The following BCL11A variants were observed in gnomAD, a reference collection of about 807,000 sequenced individuals.
BCL11A encodes B cell CLL/lymphoma 11A.
Under a neutral mutation model 55.9 loss-of-function variants are expected in BCL11A, and 2 were observed. That is an observed-to-expected ratio of 0.04 (90% CI 0.01 to 0.11). The LOEUF (loss-of-function observed/expected upper bound fraction) is 0.11. Ranked by LOEUF, BCL11A falls within the 10% of genes least tolerant of loss-of-function variation. The pLI, the probability that BCL11A is intolerant of heterozygous loss-of-function variation, is 1.00. For missense variants in BCL11A, 817 were observed against 1,137.1 expected, an observed-to-expected ratio of 0.72 and a Z score of 4.05; for synonymous variants, 465 against 473.4, an observed-to-expected ratio of 0.98 and a Z score of 0.23.
intron 2 of BCL11A, among the ~76,000 whole-genome samples, chr2:60,523,724 A>G (rs1329968850): frequency 6.6e-6 from 1 of 152,106 alleles, no homozygotes; most frequent in Non-Finnish European, 1.5e-5. Context: ...AAGCAAAATC[A>G]TTCATTGCCA....
At chr2:60,537,369 G>C (rs1015483231) in intron 2 of BCL11A, 1 of 152,234 alleles carries the variant, frequency 6.6e-6, no homozygotes, top group African/African-American at 2.4e-5. Context: ...GTTTTAACTG[G>C]AAACTGAAAG....
chr2:60,543,186 C>G (rs1379802624), intron 2 of BCL11A: 1 of 152,180 alleles, frequency 6.6e-6, no homozygotes, highest in African/African-American at 2.4e-5. Flanking sequence ...AGATCTGTCA[C>G]TGTTTTATTC....
At chr2:60,551,087 A>G (rs1446210222) in intron 1 of BCL11A, among the ~76,000 whole-genome samples, 1 of 152,070 alleles carries the variant, frequency 6.6e-6, no homozygotes, top group South Asian at 2.1e-4. Context: ...CCCCACCACC[A>G]CCCCTTTAAA....
chr2:60,514,602 A>T (rs992325874), intron 2 of BCL11A, among the ~76,000 whole-genome samples: 2 of 151,280 alleles, frequency 1.3e-5, no homozygotes, highest in Non-Finnish European at 2.9e-5. Flanking sequence ...TGGGAGGCGG[A>T]GGCTGCAATG....
chr2:60,467,999 G>C (rs1039898390), intron 3 of BCL11A, among the ~76,000 whole-genome samples: 1 of 108,958 alleles, frequency 9.2e-6, no homozygotes. Flanking sequence ...GGTAATGGTG[G>C]TGGTGGTGAT....
At position 60,546,510 on chromosome 2, in the gene BCL11A, C is replaced by T. The variant is rs1047442061; in HGVS notation, c.56-210G>A. The T allele has an allele frequency of 1.8e-6, 1 of 565,262 alleles. No homozygotes were observed. Among genetic ancestry groups the T allele is most frequent in the African/African-American group, 1.9e-5 (1 of 53,170 alleles). 35.0% of individuals were successfully genotyped at this position (565,262 alleles called of 1,614,324 possible). A position where few individuals can be genotyped will look rare whatever the true frequency, so the allele number is the denominator to read the frequency against. On this transcript the variant is annotated intron_variant, in intron 1 of 3. Coordinates refer to ENST00000642384, the MANE Select transcript of BCL11A (RefSeq NM_022893.4). This position sits in a 1 kb window ranked among gnomAD's most constrained non-coding sequence, Gnocchi z 4.1. ...CAAATTTGTCAATGAGGCAAATCAT[C>T]ACATATGTAAAGAAAACAGTCTTCC... is the stretch of plus-strand genomic sequence containing the variant.
At chr2:60,483,803 A>G (rs1482807016) in intron 2 of BCL11A, among the ~76,000 whole-genome samples, 1 of 151,764 alleles carries the variant, frequency 6.6e-6, no homozygotes, top group East Asian at 1.9e-4. Context: ...ATTTCTTTTT[A>G]TTTTTCTTTC....
At chr2:60,521,358 C>T (rs550978179) in intron 2 of BCL11A, among the ~76,000 whole-genome samples, 40 of 152,316 alleles carry the variant, frequency 2.6e-4, no homozygotes, top group Admixed American at 2.0e-3. Flanking sequence ...CAGAGGGACC[C>T]GGGCCTGGGC....
intron 1 of BCL11A, among the ~76,000 whole-genome samples, chr2:60,550,252 T>C (rs1316152349): frequency 6.6e-6 from 1 of 152,128 alleles, no homozygotes. Context: ...CGGCGCGCGC[T>C]GGTCTCAGCT....
chr2:60,472,166 G>A (rs949438999), intron 2 of BCL11A, among the ~76,000 whole-genome samples: 1 of 152,164 alleles, frequency 6.6e-6, no homozygotes, highest in Non-Finnish European at 1.5e-5. Context: ...TAAGGACAGG[G>A]AACAGGTCCA....
At chr2:60,471,636 C>T (rs1184429991) in intron 2 of BCL11A, among the ~76,000 whole-genome samples, 1 of 152,174 alleles carries the variant, frequency 6.6e-6, no homozygotes, top group African/African-American at 2.4e-5. Flanking sequence ...AAGGAGCTGC[C>T]CCTGGTTGAG....
chr2:60,500,142 C>T (rs780604066), intron 2 of BCL11A, among the ~76,000 whole-genome samples: 1 of 152,224 alleles, frequency 6.6e-6, no homozygotes, highest in African/African-American at 2.4e-5. Context: ...GCCCTGGGCA[C>T]TGAGGGCTAG....
At chr2:60,511,782 A>G (rs1276566201) in intron 2 of BCL11A, among the ~76,000 whole-genome samples, 1 of 152,226 alleles carries the variant, frequency 6.6e-6, no homozygotes, top group African/African-American at 2.4e-5. Context: ...GTAAGACACT[A>G]AGGGGCAGGG....
chr2:60,458,034 T>C lies in BCL11A; in HGVS notation c.*2370A>G. 1.1e-6 allele frequency: 1 copy of C among 950,878 alleles called. No individual in the cohort carries two copies. The highest frequency in any genetic ancestry group is 1.3e-6 in the Non-Finnish European group (1 of 789,056). The allele number at this position is 950,878 out of a possible 1,614,324, so 58.9% of individuals were successfully genotyped here. A position where few individuals can be genotyped will look rare whatever the true frequency, so the allele number is the denominator to read the frequency against. The stretch of plus-strand genomic sequence containing the variant: ...AAAAAATATACTGTGGCAGCCTGTC[T>C]TTTTTTTTTCCACTACCAAAAAAGG... On this transcript the variant is annotated 3_prime_UTR_variant, in exon 4 of 4. Coordinates refer to ENST00000642384, the MANE Select transcript of BCL11A (RefSeq NM_022893.4).
chr2:60,486,691 T>C (rs1022607944), intron 2 of BCL11A, among the ~76,000 whole-genome samples: 3 of 152,182 alleles, frequency 2.0e-5, no homozygotes, highest in Admixed American at 6.5e-5. Context: ...AACATCAGGA[T>C]TGGGCCTGAA....
chr2:60,503,302 A>C (rs1679398390), intron 2 of BCL11A, among the ~76,000 whole-genome samples: 2 of 152,242 alleles, frequency 1.3e-5, no homozygotes, highest in African/African-American at 2.4e-5. Context: ...CAGAAAAGGC[A>C]GGTGGCTGCA....
chr2:60,479,374 T>C (rs1222655773), intron 2 of BCL11A, among the ~76,000 whole-genome samples: 6 of 152,210 alleles, frequency 3.9e-5, no homozygotes, highest in African/African-American at 7.2e-5. Context: ...GCTTGGGAAA[T>C]GAGGTCTCTC....
exon 5 of BCL11A, chr2:60,451,605 A>G (rs752322496): frequency 6.5e-5 from 15 of 231,410 alleles, no homozygotes; most frequent in Non-Finnish European, 1.1e-4. Context: ...TGTAAGTACT[A>G]AAGAAGTTTT....
intron 2 of BCL11A, chr2:60,535,574 G>A (rs1669633369): frequency 1.3e-5 from 2 of 152,202 alleles, no homozygotes; most frequent in South Asian, 2.1e-4. Flanking sequence ...TCTCTCCTGT[G>A]TAAACATCCA....
Sources: allele counts gnomAD v4.1 joint callset (sites outside exome capture counted in the v4.1 genomes callset), GRCh38; gene constraint gnomAD v4.1.1; non-coding constraint Gnocchi (gnomAD v3.1); transcripts MANE v1.5; gene names NCBI Gene and HGNC (gene_info 2026-07-23, HGNC 2026-07-21).